The following CATSPERE variants were observed in gnomAD, a reference collection of about 807,000 sequenced individuals.
The protein encoded by CATSPERE is cation channel sperm-associated auxiliary subunit epsilon.
A neutral mutation model predicts 114.1 loss-of-function variants in CATSPERE; 93 were observed. The ratio of observed to expected loss-of-function variants is 0.81; its 90% confidence interval spans 0.69 to 0.97. The LOEUF (loss-of-function observed/expected upper bound fraction) is 0.97. Ranked by LOEUF, CATSPERE falls within the 50% of genes least tolerant of loss-of-function variation. The pLI is 0.00. For missense variants in CATSPERE, 1,058 were observed against 1,131.6 expected (o/e 0.93, Z 0.93); for synonymous variants, 341 against 384.1 (o/e 0.89, Z 1.31).
chr1:244,551,146 G>T (rs1660558896), intron 8 of CATSPERE, among the ~76,000 whole-genome samples: 1 of 152,188 alleles, frequency 6.6e-6, no homozygotes, highest in African/African-American at 2.4e-5. Context: ...CATCAGGTGT[G>T]TAAAATAAAG....
upstream of CATSPERE, chr1:244,452,077 C>A (rs900207147): frequency 3.1e-6 from 1 of 319,806 alleles, no homozygotes; most frequent in South Asian, 1.4e-4. Context: ...GTGGCGGCAA[C>A]GGCCGCCACC....
chr1:244,626,105 C>A (rs1476690896), intron 20 of CATSPERE, among the ~76,000 whole-genome samples: 2 of 152,110 alleles, frequency 1.3e-5, no homozygotes, highest in Admixed American at 6.5e-5. Context: ...AACTTAAAAT[C>A]GTCAGCTACA....
chr1:244,477,471 C>A, intron 2 of CATSPERE, 70 bp from the exon 3 acceptor site: 1 of 809,028 alleles, frequency 1.2e-6, no homozygotes, highest in Non-Finnish European at 2.1e-6. Context: ...AAAATTGAAT[C>A]CTACAACGGA....
At chr1:244,469,528 A>T (rs986577259) in intron 2 of CATSPERE, among the ~76,000 whole-genome samples, 2 of 152,220 alleles carry the variant, frequency 1.3e-5, no homozygotes, top group Non-Finnish European at 2.9e-5. Flanking sequence ...GACCAGAGCC[A>T]GGGCAATAAT....
chr1:244,478,073 T>G, intron 4 of CATSPERE, 98 bp downstream of exon 4: 1 of 887,212 alleles, frequency 1.1e-6, no homozygotes, highest in South Asian at 1.7e-5. Flanking sequence ...TCAATCTAAT[T>G]TAACCTGTTT....
rs1663524617 is a variant in CATSPERE, at chr1:244,566,505, C to T, written c.1507+5360C>T. On this transcript the variant is annotated intron_variant, in intron 10 of 21. Coordinates refer to ENST00000366534, the MANE Select transcript of CATSPERE (RefSeq NM_001130957.2). Reference sequence around the variant, plus strand: ...AGAACTTGCTTTATGAATCTGGGTGCTCCTTTATTGGGTGCATGTATATTT... The same window carrying T: ...AGAACTTGCTTTATGAATCTGGGTGTTCCTTTATTGGGTGCATGTATATTT... Among the ~76,000 whole-genome samples, 3 of 151,964 alleles carry T rather than the reference C, an allele frequency of 2.0e-5. No individual in the cohort carries two copies. In the South Asian group the frequency reaches 6.2e-4, roughly 32 times the overall value.
At chr1:244,475,747 G>T (rs554184888) in intron 2 of CATSPERE, among the ~76,000 whole-genome samples, 101 of 151,564 alleles carry the variant, frequency 6.7e-4, no homozygotes, top group African/African-American at 2.4e-3. Context: ...ATGTTGGCCA[G>T]GATGGTCTCG....
chr1:244,461,560 G>A, intron 1 of CATSPERE, 66 bp downstream of exon 1: 2 of 1,219,322 alleles, frequency 1.6e-6, no homozygotes, highest in Middle Eastern at 2.3e-4. Flanking sequence ...CAGGCGGGAG[G>A]GTCCTGCTCT....
At chr1:244,595,979 G>C (rs769650074) in intron 17 of CATSPERE, among the ~76,000 whole-genome samples, 6 of 152,172 alleles carry the variant, frequency 3.9e-5, no homozygotes, top group Admixed American at 6.5e-5. Context: ...CTCTGGGAGA[G>C]GGGTAGAGGA....
intron 9 of CATSPERE, among the ~76,000 whole-genome samples, chr1:244,555,627 A>G (rs1269037236): frequency 6.6e-6 from 1 of 152,174 alleles, no homozygotes; most frequent in Non-Finnish European, 1.5e-5. Flanking sequence ...TTAAATTGGA[A>G]AAGAGGAATT....
chr1:244,490,300 T>C (rs2148220511), intron 5 of CATSPERE, 147 bp from the exon 6 acceptor site: 1 of 530,102 alleles, frequency 1.9e-6, no homozygotes, highest in African/African-American at 2.0e-5. Context: ...ATTTTTTGTT[T>C]TTACATTTAG....
intron 8 of CATSPERE, among the ~76,000 whole-genome samples, chr1:244,543,160 A>G (rs1450799213): frequency 1.3e-5 from 2 of 152,196 alleles, no homozygotes; most frequent in East Asian, 1.9e-4. Flanking sequence ...ATGGAAATCA[A>G]TCTGTGGAAG....
rs771585112 is a variant in CATSPERE at position 244,552,535 on chromosome 1, T to G, written c.750T>G (p.Ser250=). 1.4e-5 allele frequency: 23 copies of G among 1,614,082 alleles called. No individual in the cohort carries two copies. Among genetic ancestry groups the G allele is most frequent in the Admixed American group, 5.0e-5 (3 of 60,006 alleles). Residue 250 remains serine (S), a synonymous_variant, in exon 9 of 22, where the codon TCT becomes TCG. Transcript: ENST00000366534. ...MASWDACVVA[S]AVLVTDMETF... is the part of the protein sequence containing the mutation. ...CCTGGGATGCTTGTGTAGTTGCATC[T>G]GCTGTTTTGGTGACAGATATGGAGA...
intron 1 of CATSPERE, among the ~76,000 whole-genome samples, chr1:244,455,503 G>A (rs1224920506): frequency 2.0e-5 from 3 of 151,272 alleles, no homozygotes; most frequent in Non-Finnish European, 4.4e-5. Context: ...AATTTTTAAG[G>A]GTTTTTTTTT....
chr1:244,538,769 G>C (rs1047308487), intron 8 of CATSPERE, among the ~76,000 whole-genome samples: 21 of 152,292 alleles, frequency 1.4e-4, no homozygotes, highest in African/African-American at 4.8e-4. Context: ...ACCCTTCACA[G>C]GAGGCTTAGT....
intron 9 of CATSPERE, among the ~76,000 whole-genome samples, chr1:244,556,916 A>C (rs1661668400): frequency 6.8e-6 from 1 of 147,268 alleles, no homozygotes; most frequent in African/African-American, 2.7e-5. Context: ...TAATTACAGC[A>C]TAAAAGAATT....
chr1:244,622,560 C>A (rs372110419), intron 20 of CATSPERE, among the ~76,000 whole-genome samples: 3 of 152,000 alleles, frequency 2.0e-5, no homozygotes, highest in Admixed American at 2.0e-4. Flanking sequence ...TGTGCCACCA[C>A]GCCCGGCTAA....
intron 7 of CATSPERE, among the ~76,000 whole-genome samples, chr1:244,508,563 A>C (rs564236709): frequency 6.6e-6 from 1 of 151,816 alleles, no homozygotes; most frequent in African/African-American, 2.4e-5. Flanking sequence ...GGCCTCCCAA[A>C]GTGCTGGGAT....
chr1:244,517,103 C>A (rs1259565899), intron 7 of CATSPERE, among the ~76,000 whole-genome samples: 2 of 152,116 alleles, frequency 1.3e-5, no homozygotes, highest in South Asian at 2.1e-4. Context: ...CTTGGTAAAT[C>A]TGAAGAAAAC....
Sources: allele counts gnomAD v4.1 joint callset (sites outside exome capture counted in the v4.1 genomes callset), GRCh38; gene constraint gnomAD v4.1.1; transcripts MANE v1.5; gene names NCBI Gene and HGNC (gene_info 2026-07-23, HGNC 2026-07-21).